The following IQCK variants were observed in gnomAD, a reference collection of about 807,000 sequenced individuals.
The protein encoded by IQCK is IQ domain-containing protein K.
A neutral mutation model predicts 28.1 loss-of-function variants in IQCK; 29 were observed. The ratio of observed to expected loss-of-function variants is 1.03; its 90% CI spans 0.77 to 1.41. The LOEUF (loss-of-function observed/expected upper bound fraction) is 1.41, where lower values mean the gene tolerates loss of function less well. Among genes scored for constraint, IQCK ranks in the 40% most tolerant of loss-of-function variants. The probability of loss-of-function intolerance (pLI) is 0.00; values close to 1 mark genes in which losing one functional copy is unlikely to be tolerated. For missense variants in IQCK, 359 were observed against 314.7 expected, an observed-to-expected ratio of 1.14 and a Z score of -1.07; for synonymous variants, 113 against 115.1, an observed-to-expected ratio of 0.98 and a Z score of 0.12.
intron 4 of IQCK, among the ~76,000 whole-genome samples, chr16:19,746,314 AGTAACT>A (rs1478425989): frequency 1.3e-5 from 2 of 150,742 alleles, no homozygotes; most frequent in Non-Finnish European, 2.9e-5. Flanking sequence ...CCATCCCCTA[AGTAACT>A]GTGTTACAAA....
chr16:19,838,275 G>A (rs2056322022), intron 9 of IQCK, among the ~76,000 whole-genome samples: 2 of 152,218 alleles, frequency 1.3e-5, no homozygotes, highest in Non-Finnish European at 2.9e-5. Context: ...ATCACTGGGG[G>A]AGGCAGAGAG....
At chr16:19,759,426 C>T (rs2055104521) in intron 4 of IQCK, among the ~76,000 whole-genome samples, 1 of 152,066 alleles carries the variant, frequency 6.6e-6, no homozygotes, top group Admixed American at 6.6e-5. Context: ...CCAGGCTGGT[C>T]TCAAACTCCT....
At chr16:19,745,760 A>G (rs1022375720) in intron 4 of IQCK, among the ~76,000 whole-genome samples, 39 of 152,258 alleles carry the variant, frequency 2.6e-4, no homozygotes, top group African/African-American at 8.9e-4. Flanking sequence ...GGGGTCACTC[A>G]TGTGACTGCG....
intron 1 of IQCK, among the ~76,000 whole-genome samples, chr16:19,726,328 A>G (rs1261445879): frequency 6.6e-6 from 1 of 152,216 alleles, no homozygotes; most frequent in Non-Finnish European, 1.5e-5. Context: ...TTTAATGTAT[A>G]AGATTGATTA....
chr16:19,738,903 A>G (rs1180005660), intron 4 of IQCK, among the ~76,000 whole-genome samples: 1 of 152,102 alleles, frequency 6.6e-6, no homozygotes, highest in Non-Finnish European at 1.5e-5. Context: ...GGGTTCTCTC[A>G]TGGGAAGGTG....
At chr16:19,733,111 G>A (rs1198424664) in intron 2 of IQCK, among the ~76,000 whole-genome samples, 1 of 151,854 alleles carries the variant, frequency 6.6e-6, no homozygotes, top group Non-Finnish European at 1.5e-5. Flanking sequence ...TCCTGTGACT[G>A]TTACTTCCAC....
At chr16:19,752,356 T>C (rs1375555523) in intron 4 of IQCK, among the ~76,000 whole-genome samples, 1 of 152,226 alleles carries the variant, frequency 6.6e-6, no homozygotes, top group Non-Finnish European at 1.5e-5. Context: ...ATTTTTACTG[T>C]AAGCATTTTT....
intron 4 of IQCK, among the ~76,000 whole-genome samples, chr16:19,751,118 A>C (rs998568623): frequency 6.6e-6 from 1 of 152,136 alleles, no homozygotes; most frequent in Non-Finnish European, 1.5e-5. Context: ...TGATAATCAT[A>C]GTACCCACCT....
chr16:19,823,751 A>G (rs2056106268), intron 7 of IQCK, among the ~76,000 whole-genome samples: 1 of 152,198 alleles, frequency 6.6e-6, no homozygotes, highest in Non-Finnish European at 1.5e-5. Context: ...AGCCTGGCCA[A>G]CATGGCAAAA....
chr16:19,804,944 C>G (rs1185545138), intron 7 of IQCK, among the ~76,000 whole-genome samples: 1 of 152,180 alleles, frequency 6.6e-6, no homozygotes, highest in East Asian at 1.9e-4. Flanking sequence ...CTTCTGCTTT[C>G]TCTTGAGTAT....
chr16:19,719,840 A>AT (rs1307461304), intron 1 of IQCK, among the ~76,000 whole-genome samples: 2 of 151,212 alleles, frequency 1.3e-5, no homozygotes, highest in Admixed American at 6.6e-5. Context: ...TTCCTGGCTA[A>AT]TTTTTTTATT....
intron 2 of IQCK, among the ~76,000 whole-genome samples, chr16:19,731,918 C>A (rs1432330348): frequency 6.6e-6 from 1 of 152,154 alleles, no homozygotes; most frequent in Admixed American, 6.5e-5. Context: ...TGATACATGG[C>A]AGGGTTACAT....
chr16:19,745,878 G>A (rs576989119), intron 4 of IQCK, among the ~76,000 whole-genome samples: 4 of 152,242 alleles, frequency 2.6e-5, no homozygotes, highest in Middle Eastern at 3.4e-3. Flanking sequence ...CCTTCATGTG[G>A]CCTCTCATCC....
In IQCK at chr16:19,770,689, C is replaced by A. The variant is rs553207867; in HGVS notation, c.605+6577C>A. Among the ~76,000 whole-genome samples, 4 of 152,246 alleles carry A rather than the reference C, an allele frequency of 2.6e-5. No homozygotes were observed. The East Asian group carries it at 7.7e-4, about 29-fold the overall frequency. On this transcript the variant is annotated intron_variant, in intron 6 of 7. Coordinates refer to ENST00000564186, the Ensembl canonical transcript of IQCK. ...CCAGGGTGGAGTGCAGTTGTGAAAT[C>A]TCGGCTCACTGCAACCTCTGCCTCC...
intron 6 of IQCK, among the ~76,000 whole-genome samples, chr16:19,784,834 T>C (rs955002241): frequency 3.3e-5 from 5 of 152,184 alleles, no homozygotes; most frequent in Admixed American, 6.5e-5. Flanking sequence ...AGTGGCACGA[T>C]CTTGGCTCAC....
chr16:19,724,105 A>G (rs531597077), intron 1 of IQCK, among the ~76,000 whole-genome samples: 5 of 152,222 alleles, frequency 3.3e-5, no homozygotes, highest in South Asian at 4.2e-4. Context: ...ACACAAAACT[A>G]TTCCTCCAGT....
At chr16:19,803,890 C>G (rs1295372035) in intron 7 of IQCK, among the ~76,000 whole-genome samples, 1 of 152,154 alleles carries the variant, frequency 6.6e-6, no homozygotes, top group Non-Finnish European at 1.5e-5. Context: ...TTAAGTGATT[C>G]TCTCACCTTG....
intron 1 of IQCK, among the ~76,000 whole-genome samples, chr16:19,728,597 A>G (rs1002867505): frequency 6.6e-6 from 1 of 152,180 alleles, no homozygotes; most frequent in African/African-American, 2.4e-5. Flanking sequence ...ACAACCAATG[A>G]GCTTGGAAAA....
intron 9 of IQCK, among the ~76,000 whole-genome samples, chr16:19,849,161 G>C (rs559146425): frequency 6.6e-6 from 1 of 151,668 alleles, no homozygotes; most frequent in Non-Finnish European, 1.5e-5. Context: ...GATTCTTTTA[G>C]AAAGTTTCCC....
Sources: gnomAD v4.1 joint callset for allele counts (sites outside exome capture counted in the v4.1 genomes callset) on GRCh38, gnomAD v4.1.1 for gene constraint, MANE v1.5 for transcripts, NCBI Gene and HGNC (gene_info 2026-07-23, HGNC 2026-07-21) for gene names.